Variants in SLC2A13 observed in about 807,000 individuals in gnomAD.
SLC2A13 encodes the protein solute carrier family 2 member 13.
A neutral mutation model predicts 64.4 loss-of-function variants in SLC2A13; 32 were observed. That is an observed-to-expected ratio of 0.50 (90% CI 0.37 to 0.67). The LOEUF (loss-of-function observed/expected upper bound fraction) is 0.67, where lower values mean the gene tolerates loss of function less well. Ranked by LOEUF, SLC2A13 falls within the 30% of genes least tolerant of loss-of-function variation. SLC2A13 has a pLI of 0.00. For synonymous variants in SLC2A13, 338 were observed against 327.1 expected (o/e 1.03, Z -0.36); for missense variants, 743 against 829.2 (o/e 0.90, Z 1.28).
intron 3 of SLC2A13, among the ~76,000 whole-genome samples, chr12:39,984,230 G>A (rs574490833): frequency 6.6e-6 from 1 of 151,982 alleles, no homozygotes; most frequent in East Asian, 1.9e-4. Context: ...CCTAATGCTA[G>A]ATGACGAGTT....
chr12:39,776,486 T>C (rs1049094989), intron 7 of SLC2A13, among the ~76,000 whole-genome samples: 1 of 152,206 alleles, frequency 6.6e-6, no homozygotes, highest in Non-Finnish European at 1.5e-5. Context: ...ATGTGGCATA[T>C]GGTTTATATT....
At chr12:39,930,401 T>C (rs1308705168) in intron 4 of SLC2A13, among the ~76,000 whole-genome samples, 1 of 152,134 alleles carries the variant, frequency 6.6e-6, no homozygotes, top group African/African-American at 2.4e-5. Flanking sequence ...TGGTATATAT[T>C]AATTAATCCA....
chr12:39,932,713 G>A (rs561590341), intron 4 of SLC2A13, among the ~76,000 whole-genome samples: 54 of 152,304 alleles, frequency 3.5e-4, no homozygotes, highest in African/African-American at 1.1e-3. Flanking sequence ...AAATTCAGAC[G>A]CAAGTGACAA....
chr12:40,010,249 G>C (rs1201290950), intron 3 of SLC2A13, among the ~76,000 whole-genome samples: 1 of 152,162 alleles, frequency 6.6e-6, no homozygotes, highest in Admixed American at 6.5e-5. Flanking sequence ...ACTGAGCTGA[G>C]AGTTGTTTGG....
intron 6 of SLC2A13, among the ~76,000 whole-genome samples, chr12:39,848,312 G>A (rs541800904): frequency 6.6e-6 from 1 of 152,074 alleles, no homozygotes; most frequent in South Asian, 2.1e-4. Context: ...CATTTATAAG[G>A]AACTTAGCAA....
chr12:39,772,617 A>G (rs1054511439), intron 7 of SLC2A13, among the ~76,000 whole-genome samples: 1 of 152,206 alleles, frequency 6.6e-6, no homozygotes. Context: ...AAAAAAGAGA[A>G]GAAGAAAGAA....
chr12:39,784,644 C>A (rs1941119360), intron 7 of SLC2A13, among the ~76,000 whole-genome samples: 1 of 152,144 alleles, frequency 6.6e-6, no homozygotes, highest in African/African-American at 2.4e-5. Context: ...CTAGGCAATA[C>A]CATTGAGGAC....
chr12:39,776,357 C>A (rs1224693998), intron 7 of SLC2A13, among the ~76,000 whole-genome samples: 1 of 152,216 alleles, frequency 6.6e-6, no homozygotes, highest in East Asian at 1.9e-4. Flanking sequence ...AGTGGTAGTG[C>A]TCCCCTGCAA....
At chr12:39,918,863 A>C (rs1304870824) in intron 4 of SLC2A13, among the ~76,000 whole-genome samples, 3 of 151,962 alleles carry the variant, frequency 2.0e-5, no homozygotes, top group African/African-American at 4.8e-5. Context: ...AAAAAAAAAA[A>C]AAAGGGTTAA....
chr12:39,931,500 T>C (rs1408176848), intron 4 of SLC2A13, among the ~76,000 whole-genome samples: 1 of 152,158 alleles, frequency 6.6e-6, no homozygotes, highest in African/African-American at 2.4e-5. Context: ...TATTCTACTC[T>C]CATCTGGAGC....
chr12:39,887,194 T>C (rs1469029120), intron 4 of SLC2A13, among the ~76,000 whole-genome samples: 1 of 152,258 alleles, frequency 6.6e-6, no homozygotes, highest in Non-Finnish European at 1.5e-5. Context: ...TAAAGTCTTT[T>C]GTCTAGTTTA....
At chr12:39,942,121 A>G (rs200189555) in intron 4 of SLC2A13, among the ~76,000 whole-genome samples, 81 of 151,522 alleles carry the variant, frequency 5.3e-4, no homozygotes, top group South Asian at 2.5e-3. Context: ...GCCTTACAGT[A>G]TAGTTTGAAA....
intron 1 of SLC2A13, among the ~76,000 whole-genome samples, chr12:40,101,053 G>A (rs955510856): frequency 5.4e-5 from 8 of 149,082 alleles, no homozygotes; most frequent in Admixed American, 6.7e-5. Context: ...TTTGAAATTC[G>A]ACTTTTCACG....
intron 1 of SLC2A13, chr12:40,068,570 C>G (rs1252476900): frequency 5.3e-6 from 1 of 188,204 alleles, no homozygotes; most frequent in Non-Finnish European, 1.2e-5. Context: ...GTGACTTTTC[C>G]ATCATTTTTG....
At chr12:40,046,859 A>G (rs977039348) in intron 2 of SLC2A13, among the ~76,000 whole-genome samples, 5 of 151,928 alleles carry the variant, frequency 3.3e-5, no homozygotes, top group Non-Finnish European at 5.9e-5. Context: ...TCTTACAAGC[A>G]GTTTAATTCC....
rs71449493 is a variant in SLC2A13 at position 39,812,996 on chromosome 12, ATTTTTTT to A, written c.1445+17100_1445+17106del. ...AGGCGCCTGACATCATGCCCAGCTA[ATTTTTTT>A]TTTTTTTTTTTTTTTTTTTTTAGTA... On this transcript the variant is annotated intron_variant, in intron 7 of 9. Transcript: ENST00000280871. 9.3e-3 allele frequency among the ~76,000 whole-genome samples: 377 copies of A among 40,614 alleles called. 9 individuals carry two copies. The highest frequency in any genetic ancestry group is 0.062 in the South Asian group (32 of 520). 26.6% of individuals were successfully genotyped at this position (40,614 alleles called of 152,430 possible).
chr12:40,035,555 A>G (rs1194876870), intron 2 of SLC2A13, among the ~76,000 whole-genome samples: 1 of 152,224 alleles, frequency 6.6e-6, no homozygotes, highest in Non-Finnish European at 1.5e-5. Flanking sequence ...GAGAATAAAC[A>G]TAAGACCATG....
intron 7 of SLC2A13, among the ~76,000 whole-genome samples, chr12:39,787,328 A>G (rs1941227901): frequency 6.6e-6 from 1 of 152,180 alleles, no homozygotes; most frequent in Non-Finnish European, 1.5e-5. Flanking sequence ...AATAACAGTA[A>G]TTACTGTTGT....
chr12:39,807,361 G>A (rs970421571), intron 7 of SLC2A13, among the ~76,000 whole-genome samples: 4 of 152,098 alleles, frequency 2.6e-5, no homozygotes, highest in African/African-American at 9.7e-5. Flanking sequence ...CGGAAAGTCT[G>A]AACACAATCA....
Sources: allele counts gnomAD v4.1 joint callset (sites outside exome capture counted in the v4.1 genomes callset), GRCh38; gene constraint gnomAD v4.1.1; transcripts MANE v1.5; gene names NCBI Gene and HGNC (gene_info 2026-07-23, HGNC 2026-07-21).